The following EPHA4 variants were observed in gnomAD, a reference collection of about 807,000 sequenced individuals.
EPHA4 encodes ephrin type-A receptor 4.
Under a neutral mutation model 108.3 loss-of-function variants are expected in EPHA4, and 19 were observed. That is an observed-to-expected ratio of 0.18 (90% CI 0.12 to 0.26). The LOEUF (loss-of-function observed/expected upper bound fraction) is 0.26, where lower values mean the gene tolerates loss of function less well. Ranked by LOEUF, EPHA4 falls within the 10% of genes least tolerant of loss-of-function variation. The pLI is 1.00. For synonymous variants in EPHA4, 449 were observed against 455.5 expected (o/e 0.99, Z 0.18); for missense variants, 917 against 1,254.0 (o/e 0.73, Z 4.06).
Position 221,442,689 on chromosome 2 carries a change from TTAA to T in EPHA4, c.2074+137_2074+139del, listed in dbSNP as rs371263006. On this transcript the variant is annotated intron_variant, in intron 11 of 17. Transcript: ENST00000281821. ...GACCCATTTAGAGCTGACTACAAGA[TTAA>T]TGACTTGTCCTGCACTGATTTCCTC... 7.2e-4 allele frequency: 586 copies of T among 819,156 alleles called. 3 individuals are homozygous for T. The African/African-American group carries it at 9.2e-3, about 13-fold the overall frequency. The allele number at this position is 819,156 out of a possible 1,614,324, so 50.7% of individuals were successfully genotyped here. A position where few individuals can be genotyped will look rare whatever the true frequency, so the allele number is the denominator to read the frequency against.
At chr2:221,572,098 C>A (rs1362095312) in intron 1 of EPHA4, 60 bp downstream of exon 1, 6 of 1,419,360 alleles carry the variant, frequency 4.2e-6, no homozygotes, top group Non-Finnish European at 6.0e-6. Flanking sequence ...CTCCTGAGGA[C>A]CCCTCACCCG....
At position 221,437,044 on chromosome 2, in the gene EPHA4, A is replaced by G; in HGVS notation, c.2136+17T>C. The stretch of plus-strand genomic sequence containing the variant: ...AAATACCAACATTCTTGGGTTTAAT[A>G]TAAAGTAGTCACATACCCTGAGGAA... On this transcript the variant is annotated intron_variant, in intron 12 of 17. Coordinates refer to ENST00000281821, the MANE Select transcript of EPHA4 (RefSeq NM_004438.5). 1.3e-6 allele frequency: 2 copies of G among 1,585,672 alleles called. No individual in the cohort carries two copies. The highest frequency in any genetic ancestry group is 1.3e-5 in the African/African-American group (1 of 74,492).
intron 4 of EPHA4, among the ~76,000 whole-genome samples, chr2:221,500,111 C>T (rs762620824): frequency 2.0e-5 from 3 of 152,096 alleles, no homozygotes; most frequent in Non-Finnish European, 4.4e-5. Flanking sequence ...AGCACATAAA[C>T]AACATGAGGC....
At chr2:221,554,805 C>G (rs1250232139) in intron 3 of EPHA4, among the ~76,000 whole-genome samples, 5 of 152,172 alleles carry the variant, frequency 3.3e-5, no homozygotes, top group Non-Finnish European at 7.4e-5. Context: ...ACATCATAGA[C>G]TTTAAATATC....
intron 3 of EPHA4, among the ~76,000 whole-genome samples, chr2:221,506,608 C>G (rs1692639007): frequency 6.6e-6 from 1 of 152,234 alleles, no homozygotes; most frequent in Admixed American, 6.5e-5. Context: ...ACCCATCTGA[C>G]TCTCTTCCAT....
At chr2:221,432,890 T>C (rs1690122508) in intron 14 of EPHA4, among the ~76,000 whole-genome samples, 2 of 148,258 alleles carry the variant, frequency 1.3e-5, no homozygotes, top group African/African-American at 2.5e-5. Flanking sequence ...AGTGGCGTGA[T>C]CTCTGCTCAC....
intron 3 of EPHA4, among the ~76,000 whole-genome samples, chr2:221,527,373 G>A (rs1395733465): frequency 6.6e-6 from 1 of 152,164 alleles, no homozygotes; most frequent in South Asian, 2.1e-4. Context: ...GAGAGAAAAA[G>A]AGAAATAGAA....
chr2:221,523,879 C>T (rs995388005), intron 3 of EPHA4, among the ~76,000 whole-genome samples: 2 of 152,146 alleles, frequency 1.3e-5, no homozygotes, highest in Admixed American at 1.3e-4. Context: ...AGCCACCGTG[C>T]CCGGCCCTCA....
chr2:221,505,867 A>G (rs1692615406), intron 3 of EPHA4, among the ~76,000 whole-genome samples: 2 of 152,312 alleles, frequency 1.3e-5, no homozygotes, highest in South Asian at 4.1e-4. Flanking sequence ...AATCTGATAC[A>G]CTTCCTGAAG....
intron 2 of EPHA4, among the ~76,000 whole-genome samples, chr2:221,566,904 GA>G (rs1389977695): frequency 2.3e-5 from 1 of 42,956 alleles, no homozygotes; most frequent in Non-Finnish European, 4.1e-5. Flanking sequence ...AGGAGAAGGA[GA>G]AGGAGAAGGA....
At chr2:221,487,138 T>C (rs1177740196) in intron 4 of EPHA4, among the ~76,000 whole-genome samples, 1 of 123,962 alleles carries the variant, frequency 8.1e-6, no homozygotes, top group Non-Finnish European at 1.8e-5. Flanking sequence ...ATTCATTTAT[T>C]CAAAAAACAT....
At chr2:221,540,638 T>C (rs576688995) in intron 3 of EPHA4, among the ~76,000 whole-genome samples, 3 of 152,266 alleles carry the variant, frequency 2.0e-5, no homozygotes, top group African/African-American at 7.2e-5. Context: ...ACCTCAGAAT[T>C]ATAAGGGACC....
At chr2:221,566,786 A>C (rs1055160163) in intron 2 of EPHA4, among the ~76,000 whole-genome samples, 1 of 149,144 alleles carries the variant, frequency 6.7e-6, no homozygotes, top group Non-Finnish European at 1.5e-5. Flanking sequence ...AAGAAGAAGA[A>C]GGAGAAGAAG....
At chr2:221,493,137 C>T (rs1002014420) in intron 4 of EPHA4, among the ~76,000 whole-genome samples, 1 of 152,188 alleles carries the variant, frequency 6.6e-6, no homozygotes, top group African/African-American at 2.4e-5. Flanking sequence ...TAACTGCACC[C>T]TCACTGACCT....
rs775527820 is a variant in EPHA4, at chr2:221,564,264, A to G, written c.290T>C (p.Val97Ala). 1.2e-6 allele frequency: 2 copies of G among 1,613,894 alleles called. No homozygotes were observed. The highest frequency in any genetic ancestry group is 1.7e-6 in the Non-Finnish European group (2 of 1,179,980). Reference sequence around the variant, plus strand: ...CAAGGTGAATTTAATCTCAATATACACCCTCTGAGCCCCTTCTCGGGTGAT... The same window carrying G: ...CAAGGTGAATTTAATCTCAATATACGCCCTCTGAGCCCCTTCTCGGGTGAT... Reference protein sequence around the residue: ...DWITREGAQRVYIEIKFTLRD... With the variant: ...DWITREGAQRAYIEIKFTLRD... Residue 97 changes from valine (V) to alanine (A), a missense_variant, in exon 3 of 18, where the codon GTG becomes GCG. Physicochemically the swap from Val to Ala is moderately conservative, Grantham distance 64. Around this residue, in one of 3 missense-constraint regions of EPHA4, gnomAD observed 758 missense variants for 1,076.7 expected, o/e 0.70. Coordinates refer to ENST00000281821, the MANE Select transcript of EPHA4 (RefSeq NM_004438.5).
At chr2:221,450,556 T>C (rs1180235348) in intron 8 of EPHA4, among the ~76,000 whole-genome samples, 1 of 152,200 alleles carries the variant, frequency 6.6e-6, no homozygotes, top group Non-Finnish European at 1.5e-5. Context: ...GTATTGGAAG[T>C]CAGGAGAGCT....
chr2:221,507,226 G>T (rs1320028675), intron 3 of EPHA4, among the ~76,000 whole-genome samples: 47 of 152,176 alleles, frequency 3.1e-4, no homozygotes, highest in Non-Finnish European at 1.5e-5. Flanking sequence ...GCCTCCCCAA[G>T]TTTTGAATGA....
chr2:221,494,953 G>A (rs1040863392), intron 4 of EPHA4, among the ~76,000 whole-genome samples: 1 of 149,042 alleles, frequency 6.7e-6, no homozygotes, highest in African/African-American at 2.5e-5. Flanking sequence ...AGCTTTAATG[G>A]CAGCCCTGAA....
intron 3 of EPHA4, among the ~76,000 whole-genome samples, chr2:221,551,342 A>G (rs538394085): frequency 1.3e-5 from 2 of 152,132 alleles, no homozygotes; most frequent in Non-Finnish European, 2.9e-5. Flanking sequence ...GAAAAACTCA[A>G]TGGGTTGTGT....
Sources: gnomAD v4.1 joint callset for allele counts (sites outside exome capture counted in the v4.1 genomes callset) on GRCh38, gnomAD v4.1.1 for gene constraint, gnomAD v4.1.1 regional missense constraint, MANE v1.5 for transcripts, NCBI Gene and HGNC (gene_info 2026-07-23, HGNC 2026-07-21) for gene names.